EPHA6: variants seen among roughly 807,000 people sequenced by gnomAD.
The protein encoded by EPHA6 is EPH receptor A6, also known as ephrin type-A receptor 6.
A neutral mutation model predicts 112.0 loss-of-function variants in EPHA6; 50 were observed. That is an observed-to-expected ratio of 0.45 (90% CI 0.36 to 0.56). The LOEUF (loss-of-function observed/expected upper bound fraction) is 0.56, where lower values mean the gene tolerates loss of function less well. EPHA6 is among the 20% of genes least tolerant of loss of function. The probability of loss-of-function intolerance (pLI) is 0.00; values close to 1 mark genes in which losing one functional copy is unlikely to be tolerated. For missense variants in EPHA6, 1,280 were observed against 1,417.4 expected, an observed-to-expected ratio of 0.90 and a Z score of 1.56; for synonymous variants, 529 against 490.7, an observed-to-expected ratio of 1.08 and a Z score of -1.03.
intron 3 of EPHA6, among the ~76,000 whole-genome samples, chr3:97,149,999 C>A (rs1402771511): frequency 6.6e-6 from 1 of 151,876 alleles, no homozygotes; most frequent in Non-Finnish European, 1.5e-5. Context: ...TGAGAAAAGT[C>A]CAGAAGTGTT....
chr3:97,393,277 A>C (rs1559953143), intron 5 of EPHA6, among the ~76,000 whole-genome samples: 2 of 151,836 alleles, frequency 1.3e-5, no homozygotes, highest in South Asian at 2.1e-4. Flanking sequence ...TTTTTCCCTC[A>C]TATTTCAAAG....
At chr3:97,335,851 G>T (rs1331989566) in intron 5 of EPHA6, among the ~76,000 whole-genome samples, 1 of 152,030 alleles carries the variant, frequency 6.6e-6, no homozygotes, top group Non-Finnish European at 1.5e-5. Context: ...ATAATTTGGT[G>T]GCCAGTGAAT....
chr3:97,721,161 G>A (rs2034510259), intron 15 of EPHA6, among the ~76,000 whole-genome samples: 1 of 152,254 alleles, frequency 6.6e-6, no homozygotes, highest in African/African-American at 2.4e-5. Context: ...TGATACAATG[G>A]TAATAAGAAA....
At chr3:97,210,754 A>G (rs998221793) in intron 3 of EPHA6, among the ~76,000 whole-genome samples, 1 of 152,174 alleles carries the variant, frequency 6.6e-6, no homozygotes, top group East Asian at 1.9e-4. Flanking sequence ...ACTTAAGACA[A>G]CACTGATCAT....
At chr3:96,879,943 T>C (rs1345620044) in intron 2 of EPHA6, among the ~76,000 whole-genome samples, 1 of 151,926 alleles carries the variant, frequency 6.6e-6, no homozygotes, top group African/African-American at 2.4e-5. Flanking sequence ...GATGATATCA[T>C]CAGAAGCGAG....
rs150563805 is a variant in EPHA6 at position 97,759,402 on chromosome 3, A to C, written c.*10701A>C. 44 of 225,760 alleles carry C rather than the reference A, an allele frequency of 1.9e-4. No homozygotes were observed. In the East Asian group the frequency reaches 2.8e-3, roughly 14 times the overall value. The allele number at this position is 225,760 out of a possible 1,614,324, so 14.0% of individuals were successfully genotyped here. On this transcript the variant is annotated 3_prime_UTR_variant, in exon 18 of 18. Transcript: ENST00000389672. ...AAAAAGCTTTGATGTAAAGGGAGCA[A>C]GAGAAATAGGATAATAGCTGGAGAA...
chr3:97,753,573 G>A lies in EPHA6; in HGVS notation c.*4872G>A, dbSNP rs552377955. On this transcript the variant is annotated 3_prime_UTR_variant, in exon 18 of 18. Transcript: ENST00000389672. ...TGTCTGATAGCATAGCTATCAGTTC[G>A]TATATGGATTCACTACCTCAAAGGT... Among the ~76,000 whole-genome samples, 2 of 152,124 alleles carry A rather than the reference G, an allele frequency of 1.3e-5. No homozygotes were observed. Among genetic ancestry groups the A allele is most frequent in the South Asian group, 2.1e-4 (1 of 4,812 alleles).
intron 3 of EPHA6, among the ~76,000 whole-genome samples, chr3:97,115,727 G>T (rs944913430): frequency 1.3e-5 from 2 of 151,736 alleles, no homozygotes; most frequent in Non-Finnish European, 3.0e-5. Context: ...TTATGTAATT[G>T]CAATCATTGC....
intron 10 of EPHA6, among the ~76,000 whole-genome samples, chr3:97,530,199 G>C (rs1296518348): frequency 6.6e-6 from 1 of 151,920 alleles, no homozygotes; most frequent in Non-Finnish European, 1.5e-5. Context: ...GGATGTATTG[G>C]ACATTAGTGT....
chr3:97,644,261 C>A (rs1255147472), intron 14 of EPHA6, among the ~76,000 whole-genome samples: 1 of 150,064 alleles, frequency 6.7e-6, no homozygotes, highest in African/African-American at 2.5e-5. Flanking sequence ...ACACAACATA[C>A]CAGAATCTCT....
At chr3:96,853,438 T>C (rs890341528) in intron 1 of EPHA6, among the ~76,000 whole-genome samples, 2 of 152,066 alleles carry the variant, frequency 1.3e-5, no homozygotes, top group African/African-American at 4.8e-5. Flanking sequence ...TGATGTTTTT[T>C]TTTCCCCTCA....
At chr3:97,722,165 G>C (rs1397480795) in intron 15 of EPHA6, among the ~76,000 whole-genome samples, 5 of 152,124 alleles carry the variant, frequency 3.3e-5, no homozygotes, top group African/African-American at 1.2e-4. Context: ...ACTTAAATCA[G>C]AGGGCCCAAA....
At chr3:97,466,175 T>TGGAAGTGTAGGG (rs2091045486) in intron 7 of EPHA6, 1 of 684,724 alleles carries the variant, frequency 1.5e-6, no homozygotes, top group Non-Finnish European at 2.7e-6. Flanking sequence ...TCCACTCCAT[T>TGGAAGTGTAGGG]TCACCCTACA....
chr3:97,257,265 A>AG (rs1413868282), intron 5 of EPHA6, among the ~76,000 whole-genome samples: 1 of 151,946 alleles, frequency 6.6e-6, no homozygotes, highest in Non-Finnish European at 1.5e-5. Flanking sequence ...AAAGCAAAAA[A>AG]CATGTGGCTT....
Position 97,592,149 on chromosome 3 carries a change from T to C in EPHA6, c.2387-463T>C, listed in dbSNP as rs140483692. ...GCAAAAATATGTAATTACTGCATGA[T>C]GTAAAAGTTTTCCTTATTTTAAGCA... On this transcript the variant is annotated intron_variant, in intron 11 of 17. Coordinates refer to ENST00000389672, the MANE Select transcript of EPHA6 (RefSeq NM_001080448.3). 1.8e-4 allele frequency among the ~76,000 whole-genome samples: 28 copies of C among 152,360 alleles called. No homozygotes were observed. In the East Asian group the frequency reaches 4.4e-3, roughly 24 times the overall value.
chr3:97,390,814 T>C (rs1362329621), intron 5 of EPHA6, among the ~76,000 whole-genome samples: 2 of 151,956 alleles, frequency 1.3e-5, no homozygotes, highest in Non-Finnish European at 2.9e-5. Flanking sequence ...ACAAGGGTGA[T>C]GAGAAAGAAT....
chr3:96,825,155 T>A (rs548432864), intron 1 of EPHA6, among the ~76,000 whole-genome samples: 5 of 152,050 alleles, frequency 3.3e-5, no homozygotes, highest in African/African-American at 1.2e-4. Context: ...ACTGAATTAG[T>A]TTTTATGCGT....
intron 14 of EPHA6, among the ~76,000 whole-genome samples, chr3:97,699,978 C>T (rs2033279531): frequency 6.6e-6 from 1 of 152,268 alleles, no homozygotes; most frequent in African/African-American, 2.4e-5. Flanking sequence ...AATGATGATG[C>T]TTTATTTTGG....
chr3:97,682,322 T>C (rs1368913391), intron 14 of EPHA6, among the ~76,000 whole-genome samples: 2 of 152,090 alleles, frequency 1.3e-5, no homozygotes, highest in East Asian at 3.9e-4. Context: ...GATCCCTCAA[T>C]AGATCATTTT....
Sources: gnomAD v4.1 joint callset for allele counts (sites outside exome capture counted in the v4.1 genomes callset) on GRCh38, gnomAD v4.1.1 for gene constraint, MANE v1.5 for transcripts, NCBI Gene and HGNC (gene_info 2026-07-23, HGNC 2026-07-21) for gene names.